Variants in SHISA9 observed in about 807,000 individuals in gnomAD.
SHISA9 encodes the protein protein shisa-9.
A neutral mutation model predicts 38.0 loss-of-function variants in SHISA9; 13 were observed. That is an observed-to-expected ratio of 0.34 (90% CI 0.22 to 0.54). SHISA9 has a LOEUF of 0.54. Among genes scored for constraint, SHISA9 ranks in the 20% least tolerant of loss-of-function variants. The pLI is 0.91. For missense variants in SHISA9, 538 were observed against 575.8 expected (o/e 0.93, Z 0.67); for synonymous variants, 275 against 242.0 (o/e 1.14, Z -1.27).
At chr16:12,998,882 T>C (rs764486253) in intron 2 of SHISA9, among the ~76,000 whole-genome samples, 7 of 152,160 alleles carry the variant, frequency 4.6e-5, no homozygotes, top group Non-Finnish European at 1.0e-4. Flanking sequence ...GTAGATATAT[T>C]TTCTAAGGTC....
the SHISA9 span, among the ~76,000 whole-genome samples, chr16:13,457,100 A>G: frequency 7.2e-5 from 11 of 152,224 alleles, no homozygotes; most frequent in African/African-American, 2.4e-4. Flanking sequence ...TGAAGTCAGG[A>G]GTTTGAGACC....
chr16:13,081,758 C>G (rs889906357), intron 2 of SHISA9, among the ~76,000 whole-genome samples: 2 of 150,662 alleles, frequency 1.3e-5, no homozygotes, highest in Non-Finnish European at 2.9e-5. Context: ...GAGGCTGAGG[C>G]AGAGAACTGC....
chr16:13,319,935 C>A, the SHISA9 span, among the ~76,000 whole-genome samples: 2 of 151,940 alleles, frequency 1.3e-5, no homozygotes, highest in African/African-American at 4.8e-5. Flanking sequence ...AAAGGAAAAT[C>A]TGCAATTATA....
intron 2 of SHISA9, among the ~76,000 whole-genome samples, chr16:12,945,219 G>A (rs942441760): frequency 9.2e-5 from 14 of 152,156 alleles, no homozygotes; most frequent in African/African-American, 3.4e-4. Flanking sequence ...GGTGAGTGTT[G>A]AAGGATCGCT....
At chr16:13,112,571 A>C (rs2073989737) in intron 2 of SHISA9, among the ~76,000 whole-genome samples, 1 of 152,272 alleles carries the variant, frequency 6.6e-6, no homozygotes, top group East Asian at 1.9e-4. Context: ...AATTCTGAGC[A>C]AACAAACTCA....
At chr16:13,298,412 C>T in the SHISA9 span, among the ~76,000 whole-genome samples, 3 of 152,110 alleles carry the variant, frequency 2.0e-5, no homozygotes, top group Admixed American at 1.3e-4. Flanking sequence ...TGATGACTCA[C>T]ATAATTAAGA....
At chr16:13,431,310 C>A in the SHISA9 span, among the ~76,000 whole-genome samples, 2 of 152,128 alleles carry the variant, frequency 1.3e-5, no homozygotes, top group Admixed American at 6.5e-5. Flanking sequence ...TTGGAGTGGG[C>A]AAATACTCAG....
intron 2 of SHISA9, among the ~76,000 whole-genome samples, chr16:13,069,435 T>C (rs1305522648): frequency 1.3e-5 from 2 of 151,882 alleles, no homozygotes; most frequent in African/African-American, 2.4e-5. Context: ...TGTGTATGTG[T>C]ATATGTGTGT....
At chr16:12,927,849 T>C (rs139249656) in intron 2 of SHISA9, among the ~76,000 whole-genome samples, 55 of 152,274 alleles carry the variant, frequency 3.6e-4, no homozygotes, top group African/African-American at 1.3e-3. Flanking sequence ...GTCTATCTCA[T>C]CACATTTTGG....
the SHISA9 span, among the ~76,000 whole-genome samples, chr16:13,477,131 G>A: frequency 6.6e-6 from 1 of 152,178 alleles, no homozygotes; most frequent in African/African-American, 2.4e-5. Flanking sequence ...CCTACAAGGT[G>A]TCAGGAACTG....
the SHISA9 span, among the ~76,000 whole-genome samples, chr16:13,339,848 A>G: frequency 6.6e-6 from 1 of 152,184 alleles, no homozygotes; most frequent in Non-Finnish European, 1.5e-5. Context: ...TTAGATTGTT[A>G]TGAAAGTTAC....
At chr16:12,917,979 T>A (rs1268664877) in intron 2 of SHISA9, among the ~76,000 whole-genome samples, 1 of 152,200 alleles carries the variant, frequency 6.6e-6, no homozygotes, top group Non-Finnish European at 1.5e-5. Context: ...CTAGTGATGA[T>A]TTTTCATGGT....
chr16:12,949,308 T>C (rs1196704575), intron 2 of SHISA9, among the ~76,000 whole-genome samples: 1 of 152,208 alleles, frequency 6.6e-6, no homozygotes, highest in African/African-American at 2.4e-5. Flanking sequence ...CACGGGCAGC[T>C]CTGGAGCGTG....
At chr16:13,416,018 G>A in the SHISA9 span, among the ~76,000 whole-genome samples, 2 of 152,174 alleles carry the variant, frequency 1.3e-5, no homozygotes, top group Admixed American at 6.5e-5. Flanking sequence ...CGTGGCATTG[G>A]TGATGCTCTT....
chr16:13,096,887 C>T (rs2073833556), intron 2 of SHISA9, among the ~76,000 whole-genome samples: 1 of 152,008 alleles, frequency 6.6e-6, no homozygotes, highest in African/African-American at 2.4e-5. Context: ...GTCACCTGCT[C>T]AGACAGGCCA....
At chr16:13,394,967 GT>G in the SHISA9 span, among the ~76,000 whole-genome samples, 1 of 151,140 alleles carries the variant, frequency 6.6e-6, no homozygotes. Flanking sequence ...GTGTGTGTGT[GT>G]GGCTGTTTGT....
chr16:13,256,919 A>C, the SHISA9 span, among the ~76,000 whole-genome samples: 2 of 152,230 alleles, frequency 1.3e-5, no homozygotes, highest in South Asian at 2.1e-4. Flanking sequence ...CTTCCCCCAG[A>C]AACATACACA....
the SHISA9 span, among the ~76,000 whole-genome samples, chr16:13,480,617 T>G: frequency 6.6e-6 from 1 of 152,288 alleles, no homozygotes; most frequent in African/African-American, 2.4e-5. Flanking sequence ...CTTGCCATTT[T>G]TCACCTGTGC....
chr16:13,023,895 T>G (rs2072888624), intron 2 of SHISA9, among the ~76,000 whole-genome samples: 1 of 152,210 alleles, frequency 6.6e-6, no homozygotes, highest in Admixed American at 6.5e-5. Context: ...GGGACATTAT[T>G]CAGCCCACTC....
Sources: allele counts gnomAD v4.1 joint callset (sites outside exome capture counted in the v4.1 genomes callset), GRCh38; gene constraint gnomAD v4.1.1; transcripts MANE v1.5; gene names NCBI Gene and HGNC (gene_info 2026-07-23, HGNC 2026-07-21).